Variants in DLGAP1 observed in about 807,000 individuals in gnomAD.
DLGAP1 encodes disks large-associated protein 1.
Under a neutral mutation model 90.8 loss-of-function variants are expected in DLGAP1, and 11 were observed. The ratio of observed to expected loss-of-function variants is 0.12; its 90% confidence interval spans 0.08 to 0.20. The LOEUF (loss-of-function observed/expected upper bound fraction) is 0.20. Among genes scored for constraint, DLGAP1 ranks in the 10% least tolerant of loss-of-function variants. The pLI is 1.00. For synonymous variants in DLGAP1, 558 were observed against 540.7 expected (o/e 1.03, Z -0.44); for missense variants, 1,050 against 1,333.8 (o/e 0.79, Z 3.31).
chr18:4,157,716 T>G (rs1197632987), intron 1 of DLGAP1, among the ~76,000 whole-genome samples: 1 of 152,170 alleles, frequency 6.6e-6, no homozygotes, highest in Non-Finnish European at 1.5e-5. Flanking sequence ...GCTGCCTCAT[T>G]CATACGTGAT....
At chr18:4,164,394 G>A (rs547124980) in intron 1 of DLGAP1, among the ~76,000 whole-genome samples, 46 of 152,256 alleles carry the variant, frequency 3.0e-4, no homozygotes, top group African/African-American at 1.1e-3. Context: ...ATCAGACACT[G>A]CCGGGGCTGG....
At chr18:4,230,244 T>C (rs1200228973) in intron 1 of DLGAP1, among the ~76,000 whole-genome samples, 1 of 152,058 alleles carries the variant, frequency 6.6e-6, no homozygotes, top group Non-Finnish European at 1.5e-5. Context: ...AATCTAAAAA[T>C]AGAGCTATTA....
chr18:3,843,115 G>C (rs981800253), intron 4 of DLGAP1, among the ~76,000 whole-genome samples: 1 of 152,192 alleles, frequency 6.6e-6, no homozygotes, highest in African/African-American at 2.4e-5. Context: ...TGTGGCCTTT[G>C]ATGTGTGTGT....
intron 1 of DLGAP1, among the ~76,000 whole-genome samples, chr18:4,389,686 A>G (rs942235780): frequency 2.0e-5 from 3 of 152,208 alleles, no homozygotes; most frequent in African/African-American, 7.2e-5. Context: ...TTTTATAGTC[A>G]AAATAGAAGT....
At chr18:4,388,489 G>T (rs568014441) in intron 1 of DLGAP1, among the ~76,000 whole-genome samples, 14 of 152,192 alleles carry the variant, frequency 9.2e-5, no homozygotes, top group African/African-American at 2.9e-4. Flanking sequence ...GAAAGGGTGA[G>T]CTTGCCTAGA....
intron 3 of DLGAP1, among the ~76,000 whole-genome samples, chr18:3,912,986 G>A (rs2072068025): frequency 6.6e-6 from 1 of 152,086 alleles, no homozygotes; most frequent in Non-Finnish European, 1.5e-5. Context: ...TTGAAAAAAT[G>A]TTTTCCACAG....
At chr18:3,981,072 T>C (rs1707564911) in intron 3 of DLGAP1, among the ~76,000 whole-genome samples, 1 of 152,222 alleles carries the variant, frequency 6.6e-6, no homozygotes, top group African/African-American at 2.4e-5. Flanking sequence ...AGCAAATACA[T>C]TGGAAAGAGT....
intron 3 of DLGAP1, among the ~76,000 whole-genome samples, chr18:3,949,418 G>C (rs2072940191): frequency 6.6e-6 from 1 of 152,128 alleles, no homozygotes; most frequent in African/African-American, 2.4e-5. Flanking sequence ...TGTGGCTCTG[G>C]GTTCTGGGTA....
intron 1 of DLGAP1, among the ~76,000 whole-genome samples, chr18:4,415,379 T>C (rs1032994043): frequency 6.6e-5 from 10 of 152,132 alleles, no homozygotes; most frequent in Non-Finnish European, 2.9e-5. Flanking sequence ...TACAAAAATA[T>C]TGTGGTGTTT....
intron 2 of DLGAP1, among the ~76,000 whole-genome samples, chr18:4,011,128 A>G: frequency 6.8e-6 from 1 of 146,148 alleles, no homozygotes; most frequent in Non-Finnish European, 1.5e-5. Flanking sequence ...GTGAGCCGAG[A>G]TGGCGTCATT....
At chr18:4,260,814 T>G (rs183885553) in intron 1 of DLGAP1, among the ~76,000 whole-genome samples, 2 of 152,172 alleles carry the variant, frequency 1.3e-5, no homozygotes, top group African/African-American at 4.8e-5. Context: ...TAATAAGACA[T>G]GGTGAACTGG....
intron 3 of DLGAP1, among the ~76,000 whole-genome samples, chr18:3,902,259 G>C (rs201833252): frequency 1.3e-5 from 2 of 152,066 alleles, no homozygotes; most frequent in East Asian, 1.9e-4. Flanking sequence ...TGTTTTCCTT[G>C]TTCTTTTTTT....
chr18:3,784,890 C>T (rs1479582255), intron 5 of DLGAP1, among the ~76,000 whole-genome samples: 2 of 152,174 alleles, frequency 1.3e-5, no homozygotes, highest in African/African-American at 4.8e-5. Flanking sequence ...GTCCCTTGTC[C>T]TCCTGCTGCC....
intron 3 of DLGAP1, among the ~76,000 whole-genome samples, chr18:3,931,167 C>A (rs1320137542): frequency 1.3e-5 from 2 of 152,174 alleles, no homozygotes; most frequent in Non-Finnish European, 2.9e-5. Flanking sequence ...TGCCTGGGCT[C>A]CCTTCAGCTT....
At chr18:3,636,263 A>C (rs998036431) in intron 7 of DLGAP1, among the ~76,000 whole-genome samples, 3 of 151,434 alleles carry the variant, frequency 2.0e-5, no homozygotes, top group Non-Finnish European at 4.4e-5. Context: ...CTTAGCCTTT[A>C]AAGGCTGTCT....
At chr18:4,071,772 G>A (rs4630646) in intron 2 of DLGAP1, among the ~76,000 whole-genome samples, 124,007 of 152,132 alleles carry the variant, frequency 0.82, 50,762 homozygotes, top group East Asian at 0.93. Flanking sequence ...GAGACAATGA[G>A]AGCCTTCTTA....
At chr18:4,223,202 G>A (rs2078114475) in intron 1 of DLGAP1, among the ~76,000 whole-genome samples, 1 of 151,974 alleles carries the variant, frequency 6.6e-6, no homozygotes, top group South Asian at 2.1e-4. Flanking sequence ...TATAAATATT[G>A]CTGACCTTTA....
At position 3,797,281 on chromosome 18, in the gene DLGAP1, G is replaced by A. The variant is rs1051458506; in HGVS notation, c.1172+16778C>T. ...GCAGAGGTTGCAGTGAGCCGGGATC[G>A]CGCCACTGCACTCCAGCCTGGCAAC... On this transcript the variant is annotated intron_variant, in intron 5 of 12. Transcript: ENST00000315677. Among the ~76,000 whole-genome samples the A allele has an allele frequency of 5.3e-5, 8 of 151,262 alleles. No homozygotes were observed. The South Asian group carries it at 6.3e-4, about 12-fold the overall frequency.
intron 7 of DLGAP1, among the ~76,000 whole-genome samples, chr18:3,717,408 A>G (rs1390769652): frequency 6.6e-6 from 1 of 152,220 alleles, no homozygotes; most frequent in Non-Finnish European, 1.5e-5. Flanking sequence ...GAAAGTGCAG[A>G]GAAAGAACAC....
Sources: gnomAD v4.1 joint callset for allele counts (sites outside exome capture counted in the v4.1 genomes callset) on GRCh38, gnomAD v4.1.1 for gene constraint, MANE v1.5 for transcripts, NCBI Gene and HGNC (gene_info 2026-07-23, HGNC 2026-07-21) for gene names.